ADAMTSL1: variants seen among roughly 807,000 people sequenced by gnomAD.
ADAMTSL1 encodes the protein ADAMTS-like protein 1.
ADAMTSL1 carries 126 observed loss-of-function variants against 201.8 expected under a neutral mutation model. The ratio of observed to expected loss-of-function variants is 0.62; its 90% CI spans 0.54 to 0.72. The LOEUF (loss-of-function observed/expected upper bound fraction) is 0.72. ADAMTSL1 is among the 30% of genes least tolerant of loss of function. The pLI is 0.00. For missense variants in ADAMTSL1, 2,679 were observed against 2,277.8 expected (o/e 1.18, Z -3.59); for synonymous variants, 1,121 against 903.4 (o/e 1.24, Z -4.32).
At chr9:18,109,492 T>C (rs1824908266) in intron 1 of ADAMTSL1, among the ~76,000 whole-genome samples, 1 of 152,148 alleles carries the variant, frequency 6.6e-6, no homozygotes, top group Non-Finnish European at 1.5e-5. Context: ...GTCATCCAAC[T>C]TCAGTTTAGG....
At chr9:18,125,050 T>G (rs540656636) in intron 1 of ADAMTSL1, among the ~76,000 whole-genome samples, 4 of 152,170 alleles carry the variant, frequency 2.6e-5, no homozygotes, top group South Asian at 4.2e-4. Context: ...CAAAACAAAT[T>G]TAATGAAAGT....
At chr9:18,724,427 A>G (rs1355742754) in intron 15 of ADAMTSL1, among the ~76,000 whole-genome samples, 3 of 152,196 alleles carry the variant, frequency 2.0e-5, no homozygotes, top group Admixed American at 2.0e-4. Context: ...TCTAACTTTC[A>G]CCAGGTTTAG....
intron 3 of ADAMTSL1, among the ~76,000 whole-genome samples, chr9:18,552,812 A>G (rs187995376): frequency 4.6e-5 from 7 of 151,574 alleles, no homozygotes; most frequent in African/African-American, 1.4e-4. Flanking sequence ...GCCTTAATGT[A>G]TAGTTTATCT....
At chr9:18,570,703 A>AAC (rs1822240438) in intron 3 of ADAMTSL1, among the ~76,000 whole-genome samples, 1 of 152,226 alleles carries the variant, frequency 6.6e-6, no homozygotes, top group Non-Finnish European at 1.5e-5. Context: ...AATAAACTCA[A>AAC]ACACTAAAAA....
chr9:18,550,663 A>C (rs192467992), intron 3 of ADAMTSL1, among the ~76,000 whole-genome samples: 422 of 152,060 alleles, frequency 2.8e-3, no homozygotes, highest in African/African-American at 9.8e-3. Context: ...AAACGCTAAG[A>C]AAAGGACCCA....
chr9:18,514,075 A>G (rs1276978946), intron 2 of ADAMTSL1, among the ~76,000 whole-genome samples: 1 of 152,170 alleles, frequency 6.6e-6, no homozygotes, highest in Non-Finnish European at 1.5e-5. Context: ...TATAGATCAC[A>G]TTGGGTAACA....
At chr9:18,650,892 G>C (rs149406891) in intron 7 of ADAMTSL1, among the ~76,000 whole-genome samples, 1 of 152,232 alleles carries the variant, frequency 6.6e-6, no homozygotes, top group East Asian at 1.9e-4. Flanking sequence ...CTCTTTTATG[G>C]AATGGTAATA....
intron 1 of ADAMTSL1, among the ~76,000 whole-genome samples, chr9:18,150,472 G>T (rs991828983): frequency 6.6e-6 from 1 of 152,082 alleles, no homozygotes. Context: ...TTAGTTGGAT[G>T]ATGACATCAA....
intron 1 of ADAMTSL1, among the ~76,000 whole-genome samples, chr9:18,140,245 G>C (rs1008298121): frequency 6.6e-6 from 1 of 152,102 alleles, no homozygotes; most frequent in Non-Finnish European, 1.5e-5. Flanking sequence ...TGTTAGAAAA[G>C]GCTCTTTTTC....
chr9:18,783,995 T>A (rs1349955034), intron 19 of ADAMTSL1, among the ~76,000 whole-genome samples: 1 of 152,244 alleles, frequency 6.6e-6, no homozygotes, highest in African/African-American at 2.4e-5. Flanking sequence ...AAAGTCCGGA[T>A]GCCTTGGCTT....
At chr9:18,649,802 G>T (rs112334343) in intron 7 of ADAMTSL1, among the ~76,000 whole-genome samples, 22 of 152,224 alleles carry the variant, frequency 1.4e-4, no homozygotes, top group Admixed American at 9.2e-4. Flanking sequence ...GCCCCTACTG[G>T]GGGGTGCCTC....
chr9:18,633,439 A>C lies in ADAMTSL1; in HGVS notation c.602-2504A>C, dbSNP rs189249610. On this transcript the variant is annotated intron_variant, in intron 5 of 28. Coordinates refer to ENST00000380548, the MANE Select transcript of ADAMTSL1 (RefSeq NM_001040272.6). ...ACCCCGTCTCTACTAAAAATACAAA[A>C]ATTAGCCGGGCTGCAGTGGCAGAAG... Among the ~76,000 whole-genome samples the C allele has an allele frequency of 4.8e-3, 727 of 152,030 alleles. 4 individuals are homozygous for C. Among genetic ancestry groups the C allele is most frequent in the Non-Finnish European group, 5.8e-3 (396 of 67,984 alleles).
intron 16 of ADAMTSL1, among the ~76,000 whole-genome samples, chr9:18,760,124 T>G (rs1819988976): frequency 6.6e-6 from 1 of 152,184 alleles, no homozygotes; most frequent in Non-Finnish European, 1.5e-5. Context: ...CTTTCATCAT[T>G]GATCATTATC....
intron 3 of ADAMTSL1, among the ~76,000 whole-genome samples, chr9:18,551,111 T>A (rs1346451262): frequency 6.6e-6 from 1 of 151,780 alleles, no homozygotes; most frequent in Non-Finnish European, 1.5e-5. Flanking sequence ...AGACAAAAAA[T>A]ACAAAACAAA....
chr9:18,415,196 G>A (rs58347901), intron 2 of ADAMTSL1, among the ~76,000 whole-genome samples: 2,888 of 152,288 alleles, frequency 0.019, 95 homozygotes, highest in African/African-American at 0.067. Flanking sequence ...ATGCAAAGAA[G>A]TGGGAAAATA....
intron 2 of ADAMTSL1, among the ~76,000 whole-genome samples, chr9:18,345,882 A>G (rs961203403): frequency 6.6e-6 from 1 of 151,984 alleles, no homozygotes; most frequent in African/African-American, 2.4e-5. Flanking sequence ...ACCCCAAATC[A>G]ATGATGAGGA....
At chr9:18,579,347 G>A (rs1389934058) in intron 4 of ADAMTSL1, among the ~76,000 whole-genome samples, 2 of 126,270 alleles carry the variant, frequency 1.6e-5, no homozygotes, top group East Asian at 5.3e-4. Context: ...GACTGTGGTG[G>A]GGAGGGGGGA....
At chr9:18,028,849 G>A (rs965138151) in intron 1 of ADAMTSL1, among the ~76,000 whole-genome samples, 16 of 152,100 alleles carry the variant, frequency 1.1e-4, no homozygotes, top group African/African-American at 3.1e-4. Context: ...AATTACCTTG[G>A]GCAGTATGGC....
intron 23 of ADAMTSL1, among the ~76,000 whole-genome samples, chr9:18,840,945 A>C (rs369814661): frequency 6.8e-6 from 1 of 147,460 alleles, no homozygotes; most frequent in Non-Finnish European, 1.5e-5. Flanking sequence ...GGCTGAGACA[A>C]TGGGGTTTTC....
Sources: allele counts gnomAD v4.1 joint callset (sites outside exome capture counted in the v4.1 genomes callset), GRCh38; gene constraint gnomAD v4.1.1; transcripts MANE v1.5; gene names NCBI Gene and HGNC (gene_info 2026-07-23, HGNC 2026-07-21).